DCC: variants seen among roughly 807,000 people sequenced by gnomAD.
The protein encoded by DCC is netrin receptor DCC.
DCC carries 58 observed loss-of-function variants against 172.5 expected under a neutral mutation model. The ratio of observed to expected loss-of-function variants is 0.34; its 90% CI spans 0.27 to 0.42. The LOEUF (loss-of-function observed/expected upper bound fraction) is 0.42. Ranked by LOEUF, DCC falls within the 10% of genes least tolerant of loss-of-function variation. The pLI, the probability that DCC is intolerant of heterozygous loss-of-function variation, is 1.00. For synonymous variants in DCC, 709 were observed against 644.5 expected (o/e 1.10, Z -1.52); for missense variants, 1,740 against 1,791.0 (o/e 0.97, Z 0.51).
intron 6 of DCC, chr18:53,063,675 C>G (rs2042527970): frequency 1.9e-6 from 1 of 514,312 alleles, no homozygotes; most frequent in African/African-American, 1.9e-5. Flanking sequence ...GTTTTACAGA[C>G]AAGACTTTAA....
chr18:52,833,560 ATCT>A, intron 2 of DCC, among the ~76,000 whole-genome samples: 1 of 152,102 alleles, frequency 6.6e-6, no homozygotes, highest in East Asian at 1.9e-4. Context: ...ATTTAGTAAA[ATCT>A]AAAGTAGAAA....
intron 15 of DCC, among the ~76,000 whole-genome samples, chr18:53,363,289 C>CT (rs2057968131): frequency 6.6e-6 from 1 of 152,154 alleles, no homozygotes; most frequent in Admixed American, 6.6e-5. Context: ...TTTCTCCTGT[C>CT]TGTCATTTCT....
rs138017783 is a variant in DCC at position 53,499,377 on chromosome 18, A to G, written c.3978A>G (p.Ala1326=). The change falls in exon 27 of 29, where the codon GCA becomes GCG. Residue 1326 remains alanine (A), a synonymous_variant. Coordinates refer to ENST00000442544, the MANE Select transcript of DCC (RefSeq NM_005215.4). ...CTGAGCATTCTAGCAGCGAGGAGGC[A>G]CCAAGCAGAACCATCCCCACAGCTT... is the stretch of plus-strand genomic sequence containing the variant. The part of the protein sequence containing the change: ...SQPEHSSSEE[A]PSRTIPTACV... The G allele has an allele frequency of 3.7e-6, 6 of 1,613,952 alleles. No homozygotes were observed. Among genetic ancestry groups the G allele is most frequent in the South Asian group, 2.2e-5 (2 of 91,088 alleles).
chr18:52,698,848 A>T (rs2036056643), intron 1 of DCC, among the ~76,000 whole-genome samples: 2 of 148,398 alleles, frequency 1.3e-5, no homozygotes, highest in African/African-American at 2.5e-5. Flanking sequence ...TGACCTCGTG[A>T]TCCACCCACC....
rs1304221400 is a variant in DCC, at chr18:53,157,392, G to A, written c.1298G>A (p.Arg433Lys). The change falls in exon 8 of 29, where the codon AGA becomes AAA. Residue 433 changes from arginine to lysine, a missense_variant. Around this residue, in one of 2 missense-constraint regions of DCC, gnomAD observed 1,732 missense variants for 1,767.4 expected, o/e 0.98. Transcript: ENST00000442544. ...TCCAGTGTCCTCCCTTCGGCTCCCAGAGATGTGGTCCCTGTCTTGGTTTCC... is the reference window on the plus strand; with the variant it reads ...TCCAGTGTCCTCCCTTCGGCTCCCAAAGATGTGGTCCCTGTCTTGGTTTCC... ...PSSSVLPSAP[R>K]DVVPVLVSSR... 6.2e-7 allele frequency: 1 copy of A among 1,614,088 alleles called. No individual in the cohort carries two copies. The highest frequency in any genetic ancestry group is 1.1e-5 in the South Asian group (1 of 91,086).
intron 15 of DCC, among the ~76,000 whole-genome samples, chr18:53,383,392 G>A (rs11660799): frequency 0.43 from 64,272 of 150,974 alleles, 15,405 homozygotes; most frequent in Non-Finnish European, 0.55. Context: ...TGTATATTTG[G>A]TGAGTTTCCA....
intron 5 of DCC, among the ~76,000 whole-genome samples, chr18:53,008,107 AT>A (rs1207026910): frequency 6.6e-6 from 1 of 152,168 alleles, no homozygotes; most frequent in African/African-American, 2.4e-5. Flanking sequence ...ACATAGACAT[AT>A]TTTTAGGACT....
intron 1 of DCC, among the ~76,000 whole-genome samples, chr18:52,508,305 G>T (rs1054906387): frequency 2.0e-5 from 3 of 152,024 alleles, no homozygotes; most frequent in Non-Finnish European, 4.4e-5. Flanking sequence ...GTGGAGTAGA[G>T]AATCATCTTT....
chr18:52,424,573 C>T (rs1987359559), intron 1 of DCC, among the ~76,000 whole-genome samples: 2 of 152,264 alleles, frequency 1.3e-5, no homozygotes, highest in East Asian at 3.9e-4. Context: ...TTTTGAGCCA[C>T]ATAGAGCGAT....
chr18:52,707,317 G>A (rs1348834902), intron 1 of DCC, among the ~76,000 whole-genome samples: 1 of 152,068 alleles, frequency 6.6e-6, no homozygotes, highest in African/African-American at 2.4e-5. Flanking sequence ...TGTAATATCT[G>A]GGCTTCTTTT....
chr18:53,060,776 C>A (rs544352887), intron 5 of DCC, among the ~76,000 whole-genome samples: 1 of 152,138 alleles, frequency 6.6e-6, no homozygotes, highest in East Asian at 1.9e-4. Context: ...AGTCCTACAA[C>A]CCCAAGTTGG....
intron 2 of DCC, among the ~76,000 whole-genome samples, chr18:52,824,272 C>T (rs2038464990): frequency 6.6e-6 from 1 of 152,110 alleles, no homozygotes; most frequent in Non-Finnish European, 1.5e-5. Context: ...TTCTTTTACT[C>T]TCCTTGTGTC....
At chr18:52,685,280 T>A (rs961882717) in intron 1 of DCC, among the ~76,000 whole-genome samples, 2 of 152,138 alleles carry the variant, frequency 1.3e-5, no homozygotes, top group African/African-American at 4.8e-5. Flanking sequence ...GGTAAATATT[T>A]ACAATTCATA....
intron 1 of DCC, among the ~76,000 whole-genome samples, chr18:52,656,040 G>GTA (rs1408221747): frequency 8.7e-6 from 1 of 115,446 alleles, no homozygotes. Context: ...ATATATGTGT[G>GTA]TATATATATG....
chr18:52,980,942 C>T (rs2041199253), intron 5 of DCC, among the ~76,000 whole-genome samples: 1 of 88,410 alleles, frequency 1.1e-5, no homozygotes, highest in African/African-American at 4.4e-5. Context: ...AAACATACTG[C>T]TATTTTTTTT....
chr18:53,416,829 C>G (rs935234283), intron 21 of DCC, among the ~76,000 whole-genome samples: 16 of 152,224 alleles, frequency 1.1e-4, no homozygotes, highest in African/African-American at 3.9e-4. Flanking sequence ...TGGATATGAA[C>G]TTACTATTAC....
At chr18:52,466,992 A>G (rs977715071) in intron 1 of DCC, among the ~76,000 whole-genome samples, 3 of 151,964 alleles carry the variant, frequency 2.0e-5, no homozygotes, top group African/African-American at 4.8e-5. Flanking sequence ...GTTTGAGCCC[A>G]TGTTCCAAAT....
At chr18:52,574,783 G>T (rs1173728757) in intron 1 of DCC, among the ~76,000 whole-genome samples, 1 of 152,120 alleles carries the variant, frequency 6.6e-6, no homozygotes, top group African/African-American at 2.4e-5. Context: ...TTTCAACATG[G>T]TATATGAATG....
At chr18:53,454,275 G>A (rs2045455904) in intron 23 of DCC, among the ~76,000 whole-genome samples, 1 of 152,182 alleles carries the variant, frequency 6.6e-6, no homozygotes, top group Admixed American at 6.5e-5. Context: ...AGCCTGGGAT[G>A]TGGAAGCTGC....
Sources: allele counts gnomAD v4.1 joint callset (sites outside exome capture counted in the v4.1 genomes callset), GRCh38; gene constraint gnomAD v4.1.1; regional missense constraint gnomAD v4.1.1; transcripts MANE v1.5; gene names NCBI Gene and HGNC (gene_info 2026-07-23, HGNC 2026-07-21).